ARID3C: variants seen among roughly 807,000 people sequenced by gnomAD.
ARID3C encodes AT-rich interactive domain-containing protein 3C.
In ARID3C, 42 loss-of-function variants were observed where a neutral mutation model predicts 37.9. The observed-to-expected ratio is 1.11, with a 90% CI of 0.87 to 1.43. The LOEUF (loss-of-function observed/expected upper bound fraction) is 1.43. ARID3C is among the 40% of genes most tolerant of loss of function. ARID3C has a pLI of 0.00. For synonymous variants in ARID3C, 213 were observed against 228.0 expected (o/e 0.93, Z 0.59); for missense variants, 581 against 548.8 (o/e 1.06, Z -0.59).
At chr9:34,630,582 A>G (rs1466143689), upstream of ARID3C, among the ~76,000 whole-genome samples, 2 of 151,904 alleles carry the variant, frequency 1.3e-5, no homozygotes, top group Admixed American at 6.6e-5. Flanking sequence ...GTCCTCTCCC[A>G]ATCAGTCCAC....
chr9:34,625,830 G>A lies in ARID3C; in HGVS notation c.319-16C>T, dbSNP rs1820648106. 1.2e-6 allele frequency: 2 copies of A among 1,613,622 alleles called. No homozygotes were observed. Among genetic ancestry groups the A allele is most frequent in the Non-Finnish European group, 1.7e-6 (2 of 1,179,676 alleles). ...GCTCATACAGCTGGGGAAGGATTGG[G>A]GTCATTCTACAGCTCTGCTGACTCC... On this transcript the variant is annotated splice_polypyrimidine_tract_variant and intron_variant, in intron 1 of 6. Coordinates refer to ENST00000378909, the Ensembl canonical transcript of ARID3C.
At chr9:34,622,648 A>T in intron 4 of ARID3C, 119 bp from the exon 6 acceptor site, 1 of 1,034,552 alleles carries the variant, frequency 9.7e-7, no homozygotes, top group Admixed American at 3.0e-5. Context: ...CTCATCCTTC[A>T]TTCGATCTAT....
In ARID3C at chr9:34,622,124, G is replaced by T; in HGVS notation, c.1049-15C>A. 3 of 1,613,160 alleles carry T rather than the reference G, an allele frequency of 1.9e-6. No individual in the cohort carries two copies. The highest frequency in any genetic ancestry group is 2.5e-6 in the Non-Finnish European group (3 of 1,179,388). On this transcript the variant is annotated splice_polypyrimidine_tract_variant and intron_variant, in intron 5 of 6. Coordinates refer to ENST00000378909, the Ensembl canonical transcript of ARID3C. ...CAGCCGCTCTTCTGTCCAGGAGGGGGCAGAGGAATCACATTTTGGAGAATC... is the reference window on the plus strand; with the variant it reads ...CAGCCGCTCTTCTGTCCAGGAGGGGTCAGAGGAATCACATTTTGGAGAATC...
At chr9:34,621,429 C>G (rs752467729) in exon 7 of ARID3C, 1 of 1,437,540 alleles carries the variant, frequency 7.0e-7, no homozygotes, top group Non-Finnish European at 9.3e-7. Context: ...AGCAATGGGG[C>G]TGGGACTCTT....
At chr9:34,627,619 C>T in intron 1 of ARID3C, 78 bp downstream of exon 2, 2 of 1,371,050 alleles carry the variant, frequency 1.5e-6, no homozygotes, top group Non-Finnish European at 2.0e-6. Context: ...GGTGGGTGGG[C>T]TGCTAATCAC....
intron 2 of ARID3C, among the ~76,000 whole-genome samples, chr9:34,624,839 C>G (rs962063705): frequency 2.0e-5 from 3 of 152,098 alleles, no homozygotes; most frequent in Admixed American, 6.5e-5. Flanking sequence ...AGGCAGGGAC[C>G]GAAGGGAGGC....
exon 1 of ARID3C, chr9:34,627,946 G>C (rs1281897669): frequency 6.5e-7 from 1 of 1,550,002 alleles, no homozygotes; most frequent in Non-Finnish European, 8.7e-7. Context: ...GCAGCAGCGG[G>C]CATGCAGGGG....
upstream of ARID3C, among the ~76,000 whole-genome samples, chr9:34,628,582 G>T (rs557942622): frequency 1.2e-4 from 18 of 152,252 alleles, no homozygotes; most frequent in African/African-American, 2.4e-4. The surrounding 1 kb of genome is among the most constrained non-coding windows in gnomAD (Gnocchi z 5.2). Flanking sequence ...ACAGATAAAA[G>T]ACCTAAGTGA....
intron 4 of ARID3C, among the ~76,000 whole-genome samples, chr9:34,623,133 G>A (rs1271288636): frequency 1.5e-4 from 20 of 133,722 alleles, no homozygotes; most frequent in Non-Finnish European, 3.1e-4. Flanking sequence ...GCGACGGAAC[G>A]AGACTCCGTC....
At chr9:34,629,923 C>T (rs62557479), upstream of ARID3C, among the ~76,000 whole-genome samples, 28,159 of 151,734 alleles carry the variant, frequency 0.19, 3,077 homozygotes, top group Non-Finnish European at 0.25. Context: ...CCACCAGACC[C>T]GGCTAATTTT....
chr9:34,623,180 A>G (rs1176734965), intron 4 of ARID3C, among the ~76,000 whole-genome samples: 1 of 151,346 alleles, frequency 6.6e-6, no homozygotes, highest in East Asian at 1.9e-4. Flanking sequence ...AAGAAAAAAA[A>G]GGACCTTTTC....
upstream of ARID3C, among the ~76,000 whole-genome samples, chr9:34,629,348 A>G (rs1324050798): frequency 6.6e-6 from 1 of 152,184 alleles, no homozygotes; most frequent in Non-Finnish European, 1.5e-5. Context: ...AAATAGCCGC[A>G]TCCACACACC....
At chr9:34,625,672 C>A (rs1820645034) in intron 2 of ARID3C, 70 bp downstream of exon 3, 1 of 1,580,486 alleles carries the variant, frequency 6.3e-7, no homozygotes, top group Admixed American at 1.7e-5. Context: ...GCAGGGAGAA[C>A]CCAACCGGGT....
At chr9:34,621,504 G>C in exon 7 of ARID3C, 1 of 1,551,180 alleles carries the variant, frequency 6.4e-7, no homozygotes, top group East Asian at 2.5e-5. Flanking sequence ...TGGGGGTGCA[G>C]GGTTGGTTGG....
At chr9:34,631,486 T>C (rs1004033594), upstream of ARID3C, among the ~76,000 whole-genome samples, 2 of 152,216 alleles carry the variant, frequency 1.3e-5, no homozygotes, top group Non-Finnish European at 1.5e-5. Flanking sequence ...CAGAGACCCA[T>C]GCTTCATTCA....
chr9:34,623,033 C>T (rs1002051103), intron 4 of ARID3C, among the ~76,000 whole-genome samples: 2 of 151,394 alleles, frequency 1.3e-5, no homozygotes, highest in African/African-American at 4.9e-5. Context: ...GTAGTCCCAG[C>T]TACTCGGGAG....
rs754386668 is a variant in ARID3C at position 34,623,851 on chromosome 9, C to T, written c.575+13G>A. The T allele has an allele frequency of 4.4e-6, 7 of 1,580,224 alleles. No individual in the cohort carries two copies. The Admixed American group carries it at 1.0e-4, about 23-fold the overall frequency. On this transcript the variant is annotated intron_variant, in intron 3 of 6. Transcript: ENST00000378909. ...CGTGCCCCCTTCCCTTCCGCTCCCG[C>T]CCCTGGCCTCACTGGGTGCGTAGAG... is the stretch of plus-strand genomic sequence containing the variant.
At chr9:34,627,523 C>T (rs902055502) in intron 1 of ARID3C, among the ~76,000 whole-genome samples, 174 bp downstream of exon 2, 8 of 152,124 alleles carry the variant, frequency 5.3e-5, no homozygotes, top group African/African-American at 1.7e-4. Context: ...TCTTTCCCTC[C>T]CTGTCACTAT....
chr9:34,623,316 T>C, intron 4 of ARID3C, 109 bp downstream of exon 5: 1 of 1,323,366 alleles, frequency 7.6e-7, no homozygotes, highest in Non-Finnish European at 1.0e-6. Flanking sequence ...ACTGCTCCCA[T>C]ACCTCAATGC....
Sources: allele counts gnomAD v4.1 joint callset (sites outside exome capture counted in the v4.1 genomes callset), GRCh38; gene constraint gnomAD v4.1.1; non-coding constraint Gnocchi (gnomAD v3.1); transcripts MANE v1.5; gene names NCBI Gene and HGNC (gene_info 2026-07-23, HGNC 2026-07-21).